The following PPIG variants were observed in gnomAD, a reference collection of about 807,000 sequenced individuals.
The protein encoded by PPIG is peptidyl-prolyl cis-trans isomerase G.
Under a neutral mutation model 87.9 loss-of-function variants are expected in PPIG, and 26 were observed. The observed-to-expected ratio is 0.30, with a 90% CI of 0.22 to 0.41. The LOEUF is 0.41. Ranked by LOEUF, PPIG falls within the 10% of genes least tolerant of loss-of-function variation. PPIG has a pLI of 1.00. For missense variants in PPIG, 722 were observed against 879.4 expected (o/e 0.82, Z 2.26); for synonymous variants, 308 against 276.5 (o/e 1.11, Z -1.13).
chr2:169,630,309 C>G (rs1686009227), intron 9 of PPIG, among the ~76,000 whole-genome samples: 1 of 152,154 alleles, frequency 6.6e-6, no homozygotes, highest in Non-Finnish European at 1.5e-5. Context: ...TATTAGAAGA[C>G]TGCTTGGGCA....
In PPIG at chr2:169,636,086, C is replaced by A. The variant is rs1686174579; in HGVS notation, c.1018-6C>A. The A allele has an allele frequency of 6.3e-7, 1 of 1,588,636 alleles. No homozygotes were observed. The highest frequency in any genetic ancestry group is 8.6e-7 in the Non-Finnish European group (1 of 1,168,928). ...ATTAATTTTTCCCTATTTTAATTTT[C>A]TTTAGCGTTATCGAACTCCTTCCAG... is the stretch of plus-strand genomic sequence containing the variant. On this transcript the variant is annotated splice_region_variant and splice_polypyrimidine_tract_variant and intron_variant, in intron 12 of 13. Coordinates refer to ENST00000260970, the MANE Select transcript of PPIG (RefSeq NM_004792.3).
At chr2:169,608,633 A>G in intron 6 of PPIG, 38 bp from the exon 7 acceptor site, 1 of 1,415,542 alleles carries the variant, frequency 7.1e-7, no homozygotes, top group Non-Finnish European at 9.9e-7. Flanking sequence ...TTTGGAGGTT[A>G]TATCTATAAT....
At position 169,631,128 on chromosome 2, in the gene PPIG, G is replaced by A. The variant is rs972438281; in HGVS notation, c.761+141G>A. On this transcript the variant is annotated intron_variant, in intron 10 of 13. Transcript: ENST00000260970. ...AGCGTAGGACTTTTGATATTCCACA[G>A]TCTATAGATTAAATTTTGGGTACGT... 6.4e-6 allele frequency: 5 copies of A among 780,888 alleles called. No individual in the cohort carries two copies. In the African/African-American group the frequency reaches 7.1e-5, roughly 11 times the overall value. 48.4% of individuals were successfully genotyped at this position (780,888 alleles called of 1,614,324 possible). A position where few individuals can be genotyped will look rare whatever the true frequency, so the allele number is the denominator to read the frequency against.
intron 11 of PPIG, among the ~76,000 whole-genome samples, 163 bp downstream of exon 11, chr2:169,632,096 C>G (rs183562095): frequency 6.6e-6 from 1 of 152,196 alleles, no homozygotes; most frequent in African/African-American, 2.4e-5. Context: ...AACCACATAA[C>G]TAGAAAGGGA....
At chr2:169,627,666 A>G (rs2105514670) in intron 9 of PPIG, among the ~76,000 whole-genome samples, 1 of 143,840 alleles carries the variant, frequency 7.0e-6, no homozygotes, top group East Asian at 2.1e-4. Context: ...TGCTGGAATT[A>G]CAGGCGTGAG....
At chr2:169,599,253 A>G (rs1407900522) in intron 1 of PPIG, among the ~76,000 whole-genome samples, 1 of 152,166 alleles carries the variant, frequency 6.6e-6, no homozygotes, top group Non-Finnish European at 1.5e-5. Flanking sequence ...TAATTTTAAT[A>G]TGTAAGATTA....
intron 7 of PPIG, 112 bp from the exon 8 acceptor site, chr2:169,614,352 C>A: frequency 3.0e-6 from 3 of 1,015,372 alleles, no homozygotes; most frequent in Non-Finnish European, 4.4e-6. Context: ...CAGTTGATGT[C>A]TTTGTTTTCA....
At chr2:169,606,806 A>G (rs1685343874) in intron 5 of PPIG, among the ~76,000 whole-genome samples, 1 of 152,066 alleles carries the variant, frequency 6.6e-6, no homozygotes, top group South Asian at 2.1e-4. Flanking sequence ...GTTTTAAAAA[A>G]CTTTGAAAAA....
chr2:169,596,205 A>G (rs1337558422), intron 1 of PPIG, among the ~76,000 whole-genome samples: 2 of 152,190 alleles, frequency 1.3e-5, no homozygotes, highest in African/African-American at 2.4e-5. Flanking sequence ...TCTGGGTTCC[A>G]GAAATTTTCC....
intron 10 of PPIG, 127 bp from the exon 11 acceptor site, chr2:169,631,627 TCCCATGCGATCA>T: frequency 6.9e-7 from 1 of 1,455,160 alleles, no homozygotes; most frequent in Non-Finnish European, 9.0e-7. Context: ...AGAAGATTTT[TCCCATGCGATCA>T]CATCTTTGGT....
intron 1 of PPIG, among the ~76,000 whole-genome samples, chr2:169,599,366 A>T (rs1226424680): frequency 1.3e-5 from 2 of 152,006 alleles, no homozygotes; most frequent in Non-Finnish European, 2.9e-5. Flanking sequence ...ACATTTTTTC[A>T]TGTTATTTTA....
chr2:169,599,071 C>G (rs1685105245), intron 1 of PPIG, among the ~76,000 whole-genome samples: 1 of 151,870 alleles, frequency 6.6e-6, no homozygotes, highest in Non-Finnish European at 1.5e-5. Flanking sequence ...AAGTAAATTC[C>G]TAGAAGTGGA....
rs1030322762 is a variant in PPIG, at chr2:169,606,201, G to C, written c.244+55G>C. ...TCTGTTAAATATCACAGATCTCAAA[G>C]TTAGACAAGTCCCTAGAAGTTTTAG... is the stretch of plus-strand genomic sequence containing the variant. On this transcript the variant is annotated intron_variant, in intron 5 of 13. Transcript: ENST00000260970. 5.4e-6 allele frequency: 7 copies of C among 1,285,000 alleles called. No individual in the cohort carries two copies. The African/African-American group carries it at 1.0e-4, about 19-fold the overall frequency. The allele number at this position is 1,285,000 out of a possible 1,614,324, so 79.6% of individuals were successfully genotyped here. A position where few individuals can be genotyped will look rare whatever the true frequency, so the allele number is the denominator to read the frequency against.
intron 7 of PPIG, among the ~76,000 whole-genome samples, chr2:169,609,454 C>T (rs1447126876): frequency 6.6e-6 from 1 of 151,930 alleles, no homozygotes; most frequent in Non-Finnish European, 1.5e-5. Flanking sequence ...CACATGTGAG[C>T]TATGGCACCT....
intron 9 of PPIG, among the ~76,000 whole-genome samples, chr2:169,620,271 G>T (rs1001799221): frequency 2.0e-5 from 3 of 151,764 alleles, no homozygotes; most frequent in Non-Finnish European, 4.4e-5. Flanking sequence ...GCATTATAAG[G>T]GTCTGATTTT....
chr2:169,598,003 CCTT>C (rs1685070372), intron 1 of PPIG, among the ~76,000 whole-genome samples: 1 of 126,410 alleles, frequency 7.9e-6, no homozygotes, highest in African/African-American at 2.7e-5. Context: ...GCCTGGGCAA[CCTT>C]TTTTTTTTTT....
chr2:169,623,739 G>A (rs543983011), intron 9 of PPIG, among the ~76,000 whole-genome samples: 2 of 152,040 alleles, frequency 1.3e-5, no homozygotes, highest in Admixed American at 1.3e-4. Flanking sequence ...ACTTAGAAAC[G>A]GTTTAGGAGA....
chr2:169,637,332 A>G lies in PPIG; in HGVS notation c.2074A>G (p.Ile692Val). ...ADRDQSPFSK[I>V]KQSSQDNELK... ...TAGAGATCAAAGTCCCTTCTCAAAA[A>G]TAAAACAAAGCAGTCAGGACAATGA... Residue 692 changes from isoleucine (I) to valine (V), a missense_variant, in exon 14 of 14, where the codon ATA becomes GTA. Physicochemically the swap from Ile to Val is conservative, Grantham distance 29. Around this residue, in one of 4 missense-constraint regions of PPIG, gnomAD observed 476 missense variants for 483.1 expected, o/e 0.99. Coordinates refer to ENST00000260970, the MANE Select transcript of PPIG (RefSeq NM_004792.3). The G allele has an allele frequency of 6.2e-7, 1 of 1,605,904 alleles. No homozygotes were observed. Among genetic ancestry groups the G allele is most frequent in the Non-Finnish European group, 8.5e-7 (1 of 1,178,218 alleles).
intron 5 of PPIG, among the ~76,000 whole-genome samples, chr2:169,606,591 C>CAAAAAAAAAAAAAAAAAAAAAAAA (rs71006009): frequency 1.6e-4 from 14 of 85,024 alleles, no homozygotes; most frequent in South Asian, 7.2e-4. Context: ...GACTCTGTCT[C>CAAAAAAAAAAAAAAAAAAAAAAAA]AAAAAAAAAA....
Sources: gnomAD v4.1 joint callset for allele counts (sites outside exome capture counted in the v4.1 genomes callset) on GRCh38, gnomAD v4.1.1 for gene constraint, gnomAD v4.1.1 regional missense constraint, MANE v1.5 for transcripts, NCBI Gene and HGNC (gene_info 2026-07-23, HGNC 2026-07-21) for gene names.